SLC25A16: variants seen among roughly 807,000 people sequenced by gnomAD.
SLC25A16 encodes mitochondrial coenzyme A transporter SLC25A16.
In SLC25A16, 39 loss-of-function variants were observed where a neutral mutation model predicts 41.5. The ratio of observed to expected loss-of-function variants is 0.94; its 90% CI spans 0.73 to 1.23. The LOEUF (loss-of-function observed/expected upper bound fraction) is 1.23. Among genes scored for constraint, SLC25A16 ranks in the 50% most tolerant of loss-of-function variants. The pLI is 0.00. For synonymous variants in SLC25A16, 146 were observed against 147.8 expected (o/e 0.99, Z 0.09); for missense variants, 421 against 426.9 (o/e 0.99, Z 0.12).
At chr10:68,521,390 GCCA>G (rs2053247078) in intron 1 of SLC25A16, among the ~76,000 whole-genome samples, 2 of 151,938 alleles carry the variant, frequency 1.3e-5, no homozygotes. Flanking sequence ...ACAAAAACTA[GCCA>G]AGCAACACAC....
intron 7 of SLC25A16, among the ~76,000 whole-genome samples, chr10:68,487,863 T>C (rs10998223): frequency 0.089 from 13,503 of 151,248 alleles, 928 homozygotes; most frequent in South Asian, 0.25. Context: ...CAATCTCTCT[T>C]TTTTTTTTGA....
chr10:68,489,899 C>CAA (rs71019017), intron 6 of SLC25A16, among the ~76,000 whole-genome samples: 8,399 of 83,784 alleles, frequency 0.1, 318 homozygotes, highest in Middle Eastern at 0.23. Context: ...GACTCTGTCT[C>CAA]AAAAAAAAAA....
intron 1 of SLC25A16, chr10:68,518,114 C>T (rs1317746696): frequency 1.3e-5 from 2 of 150,210 alleles, no homozygotes; most frequent in Non-Finnish European, 3.0e-5. Flanking sequence ...CACAGCAACA[C>T]CTGGTCTTTA....
At chr10:68,509,727 C>CTATCTATATCTATCTATCTA (rs1554919941) in intron 2 of SLC25A16, among the ~76,000 whole-genome samples, 4 of 140,060 alleles carry the variant, frequency 2.9e-5, no homozygotes, top group South Asian at 4.6e-4. Context: ...ATATATCTAT[C>CTATCTATATCTATCTATCTA]TATCTATATA....
intron 2 of SLC25A16, among the ~76,000 whole-genome samples, chr10:68,515,995 G>A (rs1286122566): frequency 6.6e-6 from 1 of 152,006 alleles, no homozygotes; most frequent in Admixed American, 6.6e-5. Context: ...GGATTATAAT[G>A]GATAAGAAAT....
intron 6 of SLC25A16, among the ~76,000 whole-genome samples, chr10:68,490,639 G>A (rs1390153294): frequency 6.6e-6 from 1 of 151,698 alleles, no homozygotes; most frequent in Non-Finnish European, 1.5e-5. Flanking sequence ...ACTGTACCCG[G>A]CCAGGGAAGA....
intron 4 of SLC25A16, among the ~76,000 whole-genome samples, chr10:68,493,978 G>A (rs908711068): frequency 1.3e-5 from 2 of 152,090 alleles, no homozygotes; most frequent in African/African-American, 4.8e-5. Flanking sequence ...AATGTAGTGA[G>A]GTCTACAATG....
At chr10:68,519,323 C>A (rs576038304) in intron 1 of SLC25A16, among the ~76,000 whole-genome samples, 1 of 151,146 alleles carries the variant, frequency 6.6e-6, no homozygotes, top group Non-Finnish European at 1.5e-5. Context: ...CTTGTCTCTA[C>A]TAAAAATACA....
chr10:68,509,235 G>A (rs1049310476), intron 2 of SLC25A16, among the ~76,000 whole-genome samples: 4 of 151,952 alleles, frequency 2.6e-5, no homozygotes, highest in African/African-American at 4.8e-5. Flanking sequence ...TACGAGGGAG[G>A]GTGAAGCAGG....
At position 68,483,564 on chromosome 10, in the gene SLC25A16, A is replaced by T; in HGVS notation, c.867T>A (p.Tyr289Ter). 6.2e-7 allele frequency: 1 copy of T among 1,609,138 alleles called. No individual in the cohort carries two copies. The highest frequency in any genetic ancestry group is 8.5e-7 in the Non-Finnish European group (1 of 1,177,492). The change falls in exon 9 of 9, where the codon TAT (tyrosine) becomes TAA (stop). Residue 289 changes from tyrosine to a stop codon, truncating the protein, a stop_gained. Transcript: ENST00000609923. LOFTEE classifies it high-confidence loss of function. ...TTCGAATTCCATGGTGTCCATAGAC[A>T]TACTTCATAGTATCCCGCATGGTAC... The part of the protein sequence containing the change: ...KCLTMRDTMK[Y>*]VYGHHGIRKG...
chr10:68,522,432 C>T (rs181701567), intron 1 of SLC25A16, among the ~76,000 whole-genome samples: 2 of 152,138 alleles, frequency 1.3e-5, no homozygotes, highest in Admixed American at 6.6e-5. Flanking sequence ...GTAATTCTAA[C>T]ACATTGGGAG....
chr10:68,523,676 TG>T (rs1158364308), intron 1 of SLC25A16, among the ~76,000 whole-genome samples: 1 of 152,090 alleles, frequency 6.6e-6, no homozygotes, highest in Non-Finnish European at 1.5e-5. Context: ...GGTTTCGCCA[TG>T]TTGGCCGGGA....
At position 68,482,831 on chromosome 10, in the gene SLC25A16, T is replaced by G. The variant is rs1424386531; in HGVS notation, c.*601A>C. The G allele has an allele frequency of 6.6e-6, 1 of 152,182 alleles. No homozygotes were observed. The highest frequency in any genetic ancestry group is 2.1e-4 in the South Asian group (1 of 4,832). The allele number at this position is 152,182 out of a possible 1,614,324, so 9.4% of individuals were successfully genotyped here. ...GGGACCACATGCCCATCCCACCATG[T>G]CCAGCTTCTTCATTTATTTTTGTGT... On this transcript the variant is annotated 3_prime_UTR_variant, in exon 9 of 9. Coordinates refer to ENST00000609923, the MANE Select transcript of SLC25A16 (RefSeq NM_152707.4).
At chr10:68,523,035 G>A (rs2053273887) in intron 1 of SLC25A16, among the ~76,000 whole-genome samples, 1 of 152,114 alleles carries the variant, frequency 6.6e-6, no homozygotes, top group South Asian at 2.1e-4. Context: ...CTTGACTATG[G>A]TGGTCATTAC....
chr10:68,512,638 C>CAAA (rs1163431016), intron 2 of SLC25A16, among the ~76,000 whole-genome samples: 4 of 17,124 alleles, frequency 2.3e-4, no homozygotes, highest in Admixed American at 6.8e-4. Flanking sequence ...GACTCCGTCT[C>CAAA]AAAAAAAAAA....
Position 68,482,715 on chromosome 10 carries a change from CATTT to C in SLC25A16, c.*713_*716del, listed in dbSNP as rs1342888856. ...TTTGAGCAAGACTTAGTCGTTCATT[CATTT>C]ATTAAGTGGGGTTTCATGATGTTGC... On this transcript the variant is annotated 3_prime_UTR_variant, in exon 9 of 9. Transcript: ENST00000609923. The C allele has an allele frequency of 7.2e-5, 11 of 152,048 alleles. No individual in the cohort carries two copies. Among genetic ancestry groups the C allele is most frequent in the Non-Finnish European group, 1.0e-4 (7 of 68,016 alleles). 9.4% of individuals were successfully genotyped at this position (152,048 alleles called of 1,614,324 possible).
At chr10:68,514,621 C>G (rs1006144109) in intron 2 of SLC25A16, among the ~76,000 whole-genome samples, 1 of 152,186 alleles carries the variant, frequency 6.6e-6, no homozygotes, top group African/African-American at 2.4e-5. Context: ...CTTTTTGAGA[C>G]TTTTACGCAT....
chr10:68,493,419 T>C, intron 5 of SLC25A16, 30 bp downstream of exon 5: 1 of 1,589,242 alleles, frequency 6.3e-7, no homozygotes, highest in Non-Finnish European at 8.6e-7. Flanking sequence ...AAAGGGCATG[T>C]TATAGATGAG....
intron 3 of SLC25A16, among the ~76,000 whole-genome samples, chr10:68,504,776 G>A (rs774404182): frequency 6.6e-6 from 1 of 152,072 alleles, no homozygotes; most frequent in East Asian, 1.9e-4. Context: ...CGTATCCCGG[G>A]TTCAAGCGAT....
Sources: gnomAD v4.1 joint callset for allele counts (sites outside exome capture counted in the v4.1 genomes callset) on GRCh38, gnomAD v4.1.1 for gene constraint, MANE v1.5 for transcripts, NCBI Gene and HGNC (gene_info 2026-07-23, HGNC 2026-07-21) for gene names.